The following EPHA6 variants were observed in gnomAD, a reference collection of about 807,000 sequenced individuals.
The protein encoded by EPHA6 is EPH receptor A6.
A neutral mutation model predicts 112.0 loss-of-function variants in EPHA6; 50 were observed. That is an observed-to-expected ratio of 0.45 (90% confidence interval 0.36 to 0.56). EPHA6 has a LOEUF of 0.56. Ranked by LOEUF, EPHA6 falls within the 20% of genes least tolerant of loss-of-function variation. The pLI is 0.00. For missense variants in EPHA6, 1,280 were observed against 1,417.4 expected, an observed-to-expected ratio of 0.90 and a Z score of 1.56; for synonymous variants, 529 against 490.7, an observed-to-expected ratio of 1.08 and a Z score of -1.03.
rs183475614 is a variant in EPHA6 at position 96,953,872 on chromosome 3, A to C, written c.451-33458A>C. Among the ~76,000 whole-genome samples, 11 of 150,470 alleles carry C rather than the reference A, an allele frequency of 7.3e-5. No individual in the cohort carries two copies. The East Asian group carries it at 2.2e-3, about 30-fold the overall frequency. ...TGTCTCCTTTCCCCTGGACTATTTCAATAACTTTTTTTTTTTTTGAGACAT... is the reference window on the plus strand; with the variant it reads ...TGTCTCCTTTCCCCTGGACTATTTCCATAACTTTTTTTTTTTTTGAGACAT... On this transcript the variant is annotated intron_variant, in intron 2 of 17. Transcript: ENST00000389672.
At chr3:96,908,062 T>A (rs1460861436) in intron 2 of EPHA6, among the ~76,000 whole-genome samples, 1 of 151,992 alleles carries the variant, frequency 6.6e-6, no homozygotes, top group African/African-American at 2.4e-5. Context: ...TGTAGCATGT[T>A]CCTGTATGGA....
chr3:97,708,961 G>C (rs184989713), intron 14 of EPHA6, among the ~76,000 whole-genome samples: 1 of 152,294 alleles, frequency 6.6e-6, no homozygotes, highest in Admixed American at 6.5e-5. Context: ...GGAAATGCCT[G>C]GATGTCCAGG....
intron 10 of EPHA6, among the ~76,000 whole-genome samples, chr3:97,490,660 AC>A (rs2107521194): frequency 6.6e-6 from 1 of 152,334 alleles, no homozygotes; most frequent in Non-Finnish European, 1.5e-5. Flanking sequence ...GATGAGAAAG[AC>A]CCACATATCG....
At chr3:97,091,804 C>G (rs2047073699) in intron 3 of EPHA6, among the ~76,000 whole-genome samples, 1 of 152,042 alleles carries the variant, frequency 6.6e-6, no homozygotes, top group Non-Finnish European at 1.5e-5. Context: ...GAAGATGACT[C>G]TCAGTCTGGT....
At chr3:97,176,709 C>T (rs1203737154) in intron 3 of EPHA6, among the ~76,000 whole-genome samples, 1 of 151,728 alleles carries the variant, frequency 6.6e-6, no homozygotes, top group Non-Finnish European at 1.5e-5. Context: ...CACTAATTAT[C>T]GTTTGAATTT....
chr3:97,374,860 G>C (rs904064295), intron 5 of EPHA6, among the ~76,000 whole-genome samples: 2 of 152,026 alleles, frequency 1.3e-5, no homozygotes, highest in Non-Finnish European at 2.9e-5. Context: ...TTCACTACCA[G>C]ATTTAAATAT....
intron 3 of EPHA6, among the ~76,000 whole-genome samples, chr3:97,082,356 GTTAT>G (rs1240571681): frequency 1.3e-5 from 2 of 151,844 alleles, no homozygotes; most frequent in Non-Finnish European, 2.9e-5. Flanking sequence ...TAAATAGCGT[GTTAT>G]TTATTTCATT....
At chr3:97,140,283 T>C (rs1227323776) in intron 3 of EPHA6, among the ~76,000 whole-genome samples, 1 of 152,134 alleles carries the variant, frequency 6.6e-6, no homozygotes, top group Non-Finnish European at 1.5e-5. Flanking sequence ...AAATTCAGGA[T>C]AATTTCCCTG....
chr3:97,615,235 A>G (rs1001648224), intron 13 of EPHA6, among the ~76,000 whole-genome samples: 3 of 151,816 alleles, frequency 2.0e-5, no homozygotes, highest in Admixed American at 1.3e-4. Context: ...GATTTTTGCA[A>G]CTCTTGGGTC....
At position 97,147,252 on chromosome 3, in the gene EPHA6, T is replaced by G. The variant is rs374471318; in HGVS notation, c.1115-79012T>G. 2.5e-3 allele frequency among the ~76,000 whole-genome samples: 376 copies of G among 152,224 alleles called. 2 individuals are homozygous for G. The highest frequency in any genetic ancestry group is 8.3e-3 in the African/African-American group (346 of 41,560). ...CTAATATTTATAAAAATAACGAGAT[T>G]CATTTGGGCACATCTAATTTTGTAT... is the stretch of plus-strand genomic sequence containing the variant. On this transcript the variant is annotated intron_variant, in intron 3 of 17. Transcript: ENST00000389672.
In EPHA6 at chr3:96,818,597, C is replaced by T. The variant is rs542683671; in HGVS notation, c.385+3589C>T. 6.1e-4 allele frequency among the ~76,000 whole-genome samples: 92 copies of T among 151,942 alleles called. 1 individual carries two copies. Among genetic ancestry groups the T allele is most frequent in the Middle Eastern group, 3.4e-3 (1 of 294 alleles). On this transcript the variant is annotated intron_variant, in intron 1 of 17. Transcript: ENST00000389672. Reference sequence around the variant, plus strand: ...AAATAAATATATCTAAGCAGAAAAACATCTGCTTAACAAAATTCATGGCCT... The same window carrying T: ...AAATAAATATATCTAAGCAGAAAAATATCTGCTTAACAAAATTCATGGCCT...
intron 15 of EPHA6, among the ~76,000 whole-genome samples, chr3:97,728,821 G>T (rs543006165): frequency 6.6e-6 from 1 of 152,098 alleles, no homozygotes; most frequent in East Asian, 1.9e-4. Flanking sequence ...AACTGAATGA[G>T]ACTTTAAACT....
chr3:97,179,200 G>A (rs1251262318), intron 3 of EPHA6, among the ~76,000 whole-genome samples: 5 of 151,752 alleles, frequency 3.3e-5, no homozygotes, highest in African/African-American at 4.8e-5. Flanking sequence ...ACATTTTTCA[G>A]CTCCAGAATT....
chr3:97,255,855 C>A (rs116363965), intron 5 of EPHA6, among the ~76,000 whole-genome samples: 7,786 of 152,078 alleles, frequency 0.051, 680 homozygotes, highest in African/African-American at 0.18. Flanking sequence ...TGTAATTTAT[C>A]ACTATTCTAA....
chr3:97,330,830 A>C (rs2082760005), intron 5 of EPHA6, among the ~76,000 whole-genome samples: 1 of 152,136 alleles, frequency 6.6e-6, no homozygotes, highest in Non-Finnish European at 1.5e-5. Flanking sequence ...AACATTAGAC[A>C]GATCAACGAG....
intron 6 of EPHA6, among the ~76,000 whole-genome samples, chr3:97,436,398 TA>T (rs1258216969): frequency 1.3e-5 from 2 of 151,836 alleles, no homozygotes; most frequent in Non-Finnish European, 2.9e-5. Context: ...CAAACAAATA[TA>T]AAAAAAATTT....
intron 3 of EPHA6, among the ~76,000 whole-genome samples, chr3:97,090,251 G>A (rs987719134): frequency 2.0e-5 from 3 of 151,694 alleles, no homozygotes; most frequent in Non-Finnish European, 4.4e-5. Flanking sequence ...TTTTTATTAG[G>A]TTATTTTGAC....
At chr3:97,457,326 C>T (rs895415745) in intron 7 of EPHA6, among the ~76,000 whole-genome samples, 1 of 151,972 alleles carries the variant, frequency 6.6e-6, no homozygotes, top group African/African-American at 2.4e-5. Context: ...GATGCTGAGA[C>T]GAAGTTGGCC....
intron 2 of EPHA6, among the ~76,000 whole-genome samples, chr3:96,984,977 T>A (rs2042961723): frequency 6.6e-6 from 1 of 152,202 alleles, no homozygotes; most frequent in South Asian, 2.1e-4. Flanking sequence ...GAAAGGGAAT[T>A]CCCTGACCCC....
Sources: gnomAD v4.1 joint callset for allele counts (sites outside exome capture counted in the v4.1 genomes callset) on GRCh38, gnomAD v4.1.1 for gene constraint, MANE v1.5 for transcripts, NCBI Gene and HGNC (gene_info 2026-07-23, HGNC 2026-07-21) for gene names.